C1orf21: variants seen among roughly 807,000 people sequenced by gnomAD.
C1orf21 encodes the protein uncharacterized protein C1orf21.
A neutral mutation model predicts 18.7 loss-of-function variants in C1orf21; 3 were observed. The observed-to-expected ratio is 0.16, with a 90% CI of 0.07 to 0.42. C1orf21 has a LOEUF of 0.42. C1orf21 is among the 10% of genes least tolerant of loss of function. The pLI is 0.99. For synonymous variants in C1orf21, 41 were observed against 46.4 expected, an observed-to-expected ratio of 0.88 and a Z score of 0.47; for missense variants, 104 against 143.6, an observed-to-expected ratio of 0.72 and a Z score of 1.41.
rs1657714579 is a variant in C1orf21, at chr1:184,485,136, A to G, written c.94+7533A>G. On this transcript the variant is annotated intron_variant, in intron 2 of 5. Transcript: ENST00000235307. Reference sequence around the variant, plus strand: ...CCTGTGTTTGTGGACAGTAACAGAGAGAATAATGTTTGTCAGTGCAGTCCA... The same window carrying G: ...CCTGTGTTTGTGGACAGTAACAGAGGGAATAATGTTTGTCAGTGCAGTCCA... Among the ~76,000 whole-genome samples the G allele has an allele frequency of 2.0e-5, 3 of 152,292 alleles. No individual in the cohort carries two copies. The East Asian group carries it at 5.8e-4, about 29-fold the overall frequency.
intron 3 of C1orf21, among the ~76,000 whole-genome samples, chr1:184,513,484 G>A (rs10489727): frequency 0.013 from 2,034 of 152,306 alleles, 41 homozygotes; most frequent in African/African-American, 0.046. Flanking sequence ...GTTGATAAGC[G>A]TATGAAAATA....
chr1:184,595,760 G>A (rs2102001258), intron 4 of C1orf21, among the ~76,000 whole-genome samples: 1 of 152,330 alleles, frequency 6.6e-6, no homozygotes, highest in Middle Eastern at 3.4e-3. Flanking sequence ...GGAGGAGCCT[G>A]TCTGGTGCAT....
chr1:184,423,630 A>G (rs1656582917), intron 1 of C1orf21, among the ~76,000 whole-genome samples: 1 of 152,214 alleles, frequency 6.6e-6, no homozygotes, highest in East Asian at 1.9e-4. Flanking sequence ...CAGAATAGAA[A>G]TCCATTCTGC....
rs369305996 is a variant in C1orf21 at position 184,460,728 on chromosome 1, T to C, written c.-124-16658T>C. ...TCTCTTCTTCCTTTTTTTTTTTTTTTAAGAAATGGGGTCTCATTATGTTGC... is the reference window on the plus strand; with the variant it reads ...TCTCTTCTTCCTTTTTTTTTTTTTTCAAGAAATGGGGTCTCATTATGTTGC... On this transcript the variant is annotated intron_variant, in intron 1 of 5. Coordinates refer to ENST00000235307, the MANE Select transcript of C1orf21 (RefSeq NM_030806.4). Among the ~76,000 whole-genome samples, 152 of 149,788 alleles carry C rather than the reference T, an allele frequency of 1.0e-3. 1 individual carries two copies. In the East Asian group the frequency reaches 0.024, roughly 23 times the overall value.
chr1:184,421,535 T>G (rs1399844824), intron 1 of C1orf21, among the ~76,000 whole-genome samples: 1 of 152,118 alleles, frequency 6.6e-6, no homozygotes, highest in East Asian at 1.9e-4. Context: ...GTGTTTCAGA[T>G]AATTTTTAAT....
chr1:184,467,985 A>G (rs1357399973), intron 1 of C1orf21, among the ~76,000 whole-genome samples: 1 of 137,738 alleles, frequency 7.3e-6, no homozygotes, highest in African/African-American at 3.2e-5. Flanking sequence ...TAGAGCTTTT[A>G]TGGTGTGTGT....
chr1:184,423,232 C>G (rs543966136), intron 1 of C1orf21, among the ~76,000 whole-genome samples: 125 of 152,298 alleles, frequency 8.2e-4, no homozygotes, highest in Non-Finnish European at 1.6e-3. Context: ...AATAAAGATT[C>G]CTTCCTCATT....
At chr1:184,570,483 C>G (rs1000257709) in intron 3 of C1orf21, among the ~76,000 whole-genome samples, 1 of 152,130 alleles carries the variant, frequency 6.6e-6, no homozygotes, top group African/African-American at 2.4e-5. Context: ...TCAGGCAGGG[C>G]AAACAACTCT....
chr1:184,466,816 T>C (rs1258922618), intron 1 of C1orf21, among the ~76,000 whole-genome samples: 1 of 152,162 alleles, frequency 6.6e-6, no homozygotes, highest in African/African-American at 2.4e-5. Context: ...AAATGGACAT[T>C]ACAGTCTAGT....
chr1:184,501,756 C>A (rs144183713), intron 2 of C1orf21, among the ~76,000 whole-genome samples: 92 of 152,288 alleles, frequency 6.0e-4, no homozygotes, highest in African/African-American at 2.1e-3. Context: ...CAGATAGTTT[C>A]TTCCATCTTT....
Position 184,619,754 on chromosome 1 carries a change from A to T in C1orf21, c.*198A>T, listed in dbSNP as rs1337402626. ...ATATTGCTAAAAACAAACAAAAAAA[A>T]CTGTTATCGAACTTTCTTTGTTGCT... is the stretch of plus-strand genomic sequence containing the variant. On this transcript the variant is annotated 3_prime_UTR_variant, in exon 6 of 6. Transcript: ENST00000235307. The T allele has an allele frequency of 8.7e-6, 4 of 459,780 alleles. No individual in the cohort carries two copies. Among genetic ancestry groups the T allele is most frequent in the Non-Finnish European group, 1.5e-5 (4 of 267,166 alleles). The allele number at this position is 459,780 out of a possible 1,614,324, so 28.5% of individuals were successfully genotyped here.
At chr1:184,447,086 T>TA (rs1657046629) in intron 1 of C1orf21, among the ~76,000 whole-genome samples, 1 of 152,130 alleles carries the variant, frequency 6.6e-6, no homozygotes, top group Non-Finnish European at 1.5e-5. Flanking sequence ...CATTTCTAGA[T>TA]AGAGTGGCTT....
chr1:184,603,632 T>G (rs1380565895), intron 5 of C1orf21, among the ~76,000 whole-genome samples: 1 of 152,056 alleles, frequency 6.6e-6, no homozygotes, highest in Non-Finnish European at 1.5e-5. Flanking sequence ...CTGTCTATAC[T>G]AAAAATACAA....
intron 2 of C1orf21, among the ~76,000 whole-genome samples, chr1:184,494,114 G>A (rs1557986219): frequency 1.3e-5 from 2 of 152,202 alleles, no homozygotes; most frequent in African/African-American, 4.8e-5. Context: ...AGAGTTGACA[G>A]GATGGCTGTT....
At chr1:184,388,900 C>T (rs1466160377) in intron 1 of C1orf21, among the ~76,000 whole-genome samples, 1 of 152,002 alleles carries the variant, frequency 6.6e-6, no homozygotes, top group African/African-American at 2.4e-5. Context: ...GAGTTTTCCC[C>T]CCTTTTTCAT....
chr1:184,583,841 G>A (rs1173516528), intron 3 of C1orf21, among the ~76,000 whole-genome samples: 1 of 152,198 alleles, frequency 6.6e-6, no homozygotes, highest in Non-Finnish European at 1.5e-5. Flanking sequence ...CTTAGTCGCA[G>A]TTGGTCTCGG....
intron 2 of C1orf21, among the ~76,000 whole-genome samples, chr1:184,488,618 T>A (rs964033924): frequency 6.6e-6 from 1 of 152,234 alleles, no homozygotes. Flanking sequence ...ATCCCCCAAT[T>A]TATCTCTTCA....
At chr1:184,557,129 G>T (rs904278351) in intron 3 of C1orf21, among the ~76,000 whole-genome samples, 37 of 152,144 alleles carry the variant, frequency 2.4e-4, no homozygotes, top group African/African-American at 8.2e-4. Flanking sequence ...AATTTTCCAC[G>T]TATATGTCTT....
intron 2 of C1orf21, among the ~76,000 whole-genome samples, chr1:184,485,135 G>A (rs938849645): frequency 2.0e-5 from 3 of 152,184 alleles, no homozygotes; most frequent in African/African-American, 7.2e-5. Context: ...CAGTAACAGA[G>A]AGAATAATGT....
Sources: allele counts gnomAD v4.1 joint callset (sites outside exome capture counted in the v4.1 genomes callset), GRCh38; gene constraint gnomAD v4.1.1; transcripts MANE v1.5; gene names NCBI Gene and HGNC (gene_info 2026-07-23, HGNC 2026-07-21).